Variants in SETD5 observed in about 807,000 individuals in gnomAD.
SETD5 encodes SET domain containing 5.
Under a neutral mutation model 153.3 loss-of-function variants are expected in SETD5, and 44 were observed. The ratio of observed to expected loss-of-function variants is 0.29; its 90% CI spans 0.23 to 0.37. The LOEUF (loss-of-function observed/expected upper bound fraction) is 0.37. Among genes scored for constraint, SETD5 ranks in the 10% least tolerant of loss-of-function variants. The probability of loss-of-function intolerance (pLI) is 1.00; values close to 1 mark genes in which losing one functional copy is unlikely to be tolerated. For synonymous variants in SETD5, 716 were observed against 645.2 expected, an observed-to-expected ratio of 1.11 and a Z score of -1.66; for missense variants, 1,544 against 1,768.0, an observed-to-expected ratio of 0.87 and a Z score of 2.27.
At chr3:9,414,949 T>A (rs921249969) in intron 1 of SETD5, among the ~76,000 whole-genome samples, 6 of 152,192 alleles carry the variant, frequency 3.9e-5, no homozygotes, top group Admixed American at 2.6e-4. Context: ...GACATTTTAA[T>A]GAAAAGGAAA....
rs2045857509 is a variant in SETD5, at chr3:9,476,458, T to TA, written c.*367_*368insA. ...GTGCAGTGAGGACATCTTTTTAAAT[T>TA]TAAAAAAAAAAAAAAAAAAAGTTTT... On this transcript the variant is annotated 3_prime_UTR_variant, in exon 23 of 23. Coordinates refer to ENST00000402198, the MANE Select transcript of SETD5 (RefSeq NM_001080517.3). 3 of 146,792 alleles carry TA rather than the reference T, an allele frequency of 2.0e-5. No homozygotes were observed. Among genetic ancestry groups the TA allele is most frequent in the South Asian group, 4.4e-4 (2 of 4,548 alleles). 9.1% of individuals were successfully genotyped at this position (146,792 alleles called of 1,614,324 possible).
rs1182699673 is a variant in SETD5 at position 9,476,263 on chromosome 3, G to A, written c.*172G>A. On this transcript the variant is annotated 3_prime_UTR_variant, in exon 23 of 23. Coordinates refer to ENST00000402198, the MANE Select transcript of SETD5 (RefSeq NM_001080517.3). ...GTGGTCACAATTGGCCTCTGGCCTTGGAGAAAGCTGTAAATCTTGTCTGAA... is the reference window on the plus strand; with the variant it reads ...GTGGTCACAATTGGCCTCTGGCCTTAGAGAAAGCTGTAAATCTTGTCTGAA... The A allele has an allele frequency of 1.2e-5, 10 of 846,394 alleles. 1 individual carries two copies. The South Asian group carries it at 1.7e-4, about 14-fold the overall frequency. 52.4% of individuals were successfully genotyped at this position (846,394 alleles called of 1,614,324 possible).
intron 18 of SETD5, among the ~76,000 whole-genome samples, chr3:9,467,232 A>C (rs911626592): frequency 2.7e-5 from 4 of 148,452 alleles, no homozygotes; most frequent in Non-Finnish European, 6.0e-5. Context: ...AAACAACCTT[A>C]CTAGATTAGT....
chr3:9,446,083 C>G (rs540409532), intron 13 of SETD5, among the ~76,000 whole-genome samples: 1 of 146,940 alleles, frequency 6.8e-6, no homozygotes, highest in Non-Finnish European at 1.5e-5. Flanking sequence ...GTCAGGAGAT[C>G]GAGACCATCC....
chr3:9,462,825 T>A (rs1171241521), intron 17 of SETD5, among the ~76,000 whole-genome samples: 2 of 152,098 alleles, frequency 1.3e-5, no homozygotes, highest in Non-Finnish European at 2.9e-5. Context: ...ACCTTTAATA[T>A]GGGGATGATA....
At chr3:9,430,413 C>G in intron 3 of SETD5, 1 of 888,864 alleles carries the variant, frequency 1.1e-6, no homozygotes, top group Non-Finnish European at 1.3e-6. Flanking sequence ...TTTGTTTCTT[C>G]TAGAGCTTTT....
chr3:9,428,865 C>A lies in SETD5; in HGVS notation c.-74C>A. 2 of 1,042,238 alleles carry A rather than the reference C, an allele frequency of 1.9e-6. No homozygotes were observed. Among genetic ancestry groups the A allele is most frequent in the Admixed American group, 2.1e-5 (1 of 48,624 alleles). 64.6% of individuals were successfully genotyped at this position (1,042,238 alleles called of 1,614,324 possible). On this transcript the variant is annotated 5_prime_UTR_variant, in exon 3 of 23. It introduces an in-frame stop codon into an upstream open reading frame of the 5' UTR. Coordinates refer to ENST00000402198, the MANE Select transcript of SETD5 (RefSeq NM_001080517.3). ...ACATGTTGGATGAGGCTCTGCAGCT[C>A]ACCCCCACTCTCAGAGTGGTCAGTC...
At chr3:9,431,349 T>G (rs964669577) in intron 3 of SETD5, 2 of 985,328 alleles carry the variant, frequency 2.0e-6, no homozygotes, top group Non-Finnish European at 2.4e-6. Context: ...TTTCTGTGTA[T>G]GTGTCCAATT....
chr3:9,448,400 G>A lies in SETD5; in HGVS notation c.2116G>A (p.Glu706Lys). Residue 706 changes from glutamate to lysine, a missense_variant, in exon 16 of 23, where the codon GAA becomes AAA. Physicochemically the swap from Glu to Lys is moderately conservative, Grantham distance 56. Transcript: ENST00000402198. ...YPKTKKYLVT[E>K]WLNDKAEKQE... ...TTTTTTACCTTAGTATCTAGTTACA[G>A]AATGGTTGAATGACAAAGCAGAGAA... 6.2e-7 allele frequency: 1 copy of A among 1,613,846 alleles called. No individual in the cohort carries two copies. Among genetic ancestry groups the A allele is most frequent in the Non-Finnish European group, 8.5e-7 (1 of 1,179,840 alleles).
At chr3:9,472,880 A>G (rs1483772855) in intron 19 of SETD5, among the ~76,000 whole-genome samples, 1 of 152,150 alleles carries the variant, frequency 6.6e-6, no homozygotes, top group Non-Finnish European at 1.5e-5. Context: ...AGGTACTTCC[A>G]TTGTTGCAAA....
chr3:9,442,702 C>A (rs1329157178), intron 10 of SETD5, among the ~76,000 whole-genome samples: 1 of 152,096 alleles, frequency 6.6e-6, no homozygotes, highest in Admixed American at 6.5e-5. Context: ...TACTTACTGG[C>A]TAAGGAATTT....
rs2033933790 is a variant in SETD5, at chr3:9,397,878, ACGCCGTGG to A, written c.-270_-263del. ...GGTACGGGCCATTCCCGGCCAGGAA[ACGCCGTGG>A]CGCCGCGTTGGGCCTAACTCGAGTC... On this transcript the variant is annotated 5_prime_UTR_variant, in exon 1 of 23. Transcript: ENST00000402198. The A allele has an allele frequency of 6.8e-6, 1 of 146,100 alleles. No homozygotes were observed. The highest frequency in any genetic ancestry group is 2.2e-4 in the South Asian group (1 of 4,490). The allele number at this position is 146,100 out of a possible 1,614,324, so 9.1% of individuals were successfully genotyped here. A position where few individuals can be genotyped will look rare whatever the true frequency, so the allele number is the denominator to read the frequency against.
intron 3 of SETD5, 189 bp from the exon 4 acceptor site, chr3:9,433,656 C>A: frequency 1.2e-6 from 1 of 853,532 alleles, no homozygotes; most frequent in Non-Finnish European, 1.7e-6. Flanking sequence ...CACAAATCCA[C>A]ATTTAATAAC....
In SETD5 at chr3:9,447,412, T is replaced by A. The variant is rs556420410; in HGVS notation, c.1782+105T>A. On this transcript the variant is annotated intron_variant, in intron 14 of 22. Transcript: ENST00000402198. ...TCAGTGTTTTCAGCTTTGCTCCATA[T>A]CACAATAAATAAGGCCATTAACTGT... is the stretch of plus-strand genomic sequence containing the variant. 56 of 1,445,764 alleles carry A rather than the reference T, an allele frequency of 3.9e-5. No individual in the cohort carries two copies. In the African/African-American group the frequency reaches 7.7e-4, roughly 20 times the overall value. The allele number at this position is 1,445,764 out of a possible 1,614,324, so 89.6% of individuals were successfully genotyped here.
chr3:9,447,099 T>TA lies in SETD5; in HGVS notation c.1575dup (p.Glu526ArgfsTer17). 6.2e-7 allele frequency: 1 copy of TA among 1,613,702 alleles called. No individual in the cohort carries two copies. The highest frequency in any genetic ancestry group is 8.5e-7 in the Non-Finnish European group (1 of 1,179,768). On this transcript the variant is annotated frameshift_variant, in exon 14 of 23. Coordinates refer to ENST00000402198, the MANE Select transcript of SETD5 (RefSeq NM_001080517.3). LOFTEE classifies it high-confidence loss of function. ...GCCATCATGCATGCTTTTGAAAACT[T>TA]AGAGAAAAGAAAGAAGCGGCGGGAT...
intron 1 of SETD5, among the ~76,000 whole-genome samples, chr3:9,407,631 C>T (rs2035914052): frequency 6.6e-6 from 1 of 152,096 alleles, no homozygotes; most frequent in Admixed American, 6.5e-5. Context: ...CACTTTAATA[C>T]TAGGAATATG....
chr3:9,435,994 T>G, intron 7 of SETD5, 88 bp downstream of exon 7: 1 of 1,323,390 alleles, frequency 7.6e-7, no homozygotes, highest in Non-Finnish European at 1.0e-6. Context: ...TTTTAAGAAG[T>G]TTGATCCAGG....
intron 17 of SETD5, among the ~76,000 whole-genome samples, chr3:9,461,363 A>C (rs1165111986): frequency 6.6e-6 from 1 of 152,206 alleles, no homozygotes; most frequent in Non-Finnish European, 1.5e-5. Context: ...CTGAGTGAAA[A>C]TAGTTACTGA....
rs1168878380 is a variant in SETD5 at position 9,477,607 on chromosome 3, CTCTT to C, written c.*1518_*1521del. 2.6e-5 allele frequency: 4 copies of C among 152,116 alleles called. No homozygotes were observed. Among genetic ancestry groups the C allele is most frequent in the Admixed American group, 2.0e-4 (3 of 15,192 alleles). The allele number at this position is 152,116 out of a possible 1,614,324, so 9.4% of individuals were successfully genotyped here. ...ACAACTATCATATGCACAGTCTTCT[CTCTT>C]TGTGTGTGACTGTTACAAAATTTCA... On this transcript the variant is annotated 3_prime_UTR_variant, in exon 23 of 23. Coordinates refer to ENST00000402198, the MANE Select transcript of SETD5 (RefSeq NM_001080517.3).
Sources: gnomAD v4.1 joint callset for allele counts (sites outside exome capture counted in the v4.1 genomes callset) on GRCh38, gnomAD v4.1.1 for gene constraint, MANE v1.5 for transcripts, NCBI Gene and HGNC (gene_info 2026-07-23, HGNC 2026-07-21) for gene names.